The following NETO1 variants were observed in gnomAD, a reference collection of about 807,000 sequenced individuals.
The protein encoded by NETO1 is neuropilin and tolloid like 1.
A neutral mutation model predicts 61.3 loss-of-function variants in NETO1; 26 were observed. The observed-to-expected ratio is 0.42, with a 90% CI of 0.31 to 0.59. NETO1 has a LOEUF of 0.59. NETO1 is among the 20% of genes least tolerant of loss of function. The pLI is 0.12. For missense variants in NETO1, 531 were observed against 662.8 expected (o/e 0.80, Z 2.18); for synonymous variants, 225 against 225.8 (o/e 1.00, Z 0.03).
chr18:72,821,234 TAAAAAAAAAA>T (rs10672110), intron 4 of NETO1, among the ~76,000 whole-genome samples: 1 of 80,220 alleles, frequency 1.2e-5, no homozygotes, highest in Admixed American at 1.5e-4. Flanking sequence ...TCATATTAAC[TAAAAAAAAAA>T]AAAAAAAAAA....
At chr18:72,832,247 C>A (rs2073605649) in intron 4 of NETO1, among the ~76,000 whole-genome samples, 1 of 152,106 alleles carries the variant, frequency 6.6e-6, no homozygotes, top group South Asian at 2.1e-4. Flanking sequence ...ATAAAAATCA[C>A]CCTAAAATTT....
chr18:72,791,852 G>C (rs2072129541), intron 6 of NETO1, among the ~76,000 whole-genome samples: 1 of 152,124 alleles, frequency 6.6e-6, no homozygotes, highest in African/African-American at 2.4e-5. Context: ...CTGCAACCTA[G>C]CTCTCTTGTA....
intron 4 of NETO1, among the ~76,000 whole-genome samples, chr18:72,809,641 T>C (rs895863582): frequency 1.3e-5 from 2 of 152,272 alleles, no homozygotes; most frequent in Non-Finnish European, 2.9e-5. Context: ...ATATCTCAAA[T>C]ATGATTACTG....
At chr18:72,822,665 C>G (rs2073238490) in intron 4 of NETO1, among the ~76,000 whole-genome samples, 1 of 152,282 alleles carries the variant, frequency 6.6e-6, no homozygotes, top group East Asian at 1.9e-4. Flanking sequence ...AATTGTAAAA[C>G]ATACATCAAT....
At chr18:72,845,795 AC>A (rs1400963520) in intron 4 of NETO1, among the ~76,000 whole-genome samples, 1 of 152,250 alleles carries the variant, frequency 6.6e-6, no homozygotes. Context: ...GATATTGCAA[AC>A]AACAGAGCAA....
intron 4 of NETO1, among the ~76,000 whole-genome samples, chr18:72,817,629 T>G (rs944339948): frequency 1.3e-5 from 2 of 152,238 alleles, no homozygotes; most frequent in Admixed American, 6.5e-5. Context: ...GCACCAAGTA[T>G]TAATACCGAA....
At chr18:72,837,122 A>G (rs1461551262) in intron 4 of NETO1, among the ~76,000 whole-genome samples, 1 of 152,218 alleles carries the variant, frequency 6.6e-6, no homozygotes, top group Non-Finnish European at 1.5e-5. Context: ...GAATAATAAT[A>G]TTCTATTGTT....
intron 4 of NETO1, among the ~76,000 whole-genome samples, chr18:72,853,097 A>G (rs2074304154): frequency 6.6e-6 from 1 of 152,100 alleles, no homozygotes; most frequent in Non-Finnish European, 1.5e-5. Context: ...AGCCTCCCAA[A>G]GTGCTGGGAT....
At chr18:72,767,574 A>C (rs1262275881) in intron 7 of NETO1, among the ~76,000 whole-genome samples, 1 of 152,218 alleles carries the variant, frequency 6.6e-6, no homozygotes, top group Non-Finnish European at 1.5e-5. Flanking sequence ...TCATCAAACT[A>C]CATGTCTGTA....
intron 4 of NETO1, among the ~76,000 whole-genome samples, chr18:72,819,081 CTA>C (rs2073111986): frequency 6.6e-6 from 1 of 152,200 alleles, no homozygotes; most frequent in Middle Eastern, 3.4e-3. Context: ...ATGAGTGAAT[CTA>C]AGTCCATGTC....
intron 4 of NETO1, among the ~76,000 whole-genome samples, chr18:72,814,326 T>C (rs1289139972): frequency 6.6e-6 from 1 of 152,050 alleles, no homozygotes; most frequent in Non-Finnish European, 1.5e-5. Flanking sequence ...TGACAGCAGA[T>C]TTTGAGAAGA....
At chr18:72,802,483 G>A (rs984684118) in intron 4 of NETO1, among the ~76,000 whole-genome samples, 5 of 152,216 alleles carry the variant, frequency 3.3e-5, no homozygotes, top group Non-Finnish European at 7.3e-5. Flanking sequence ...AAAAATGAAC[G>A]GATGTACAAA....
chr18:72,749,225 A>T (rs1315326675), intron 9 of NETO1, 137 bp from the exon 10 acceptor site: 9 of 591,284 alleles, frequency 1.5e-5, no homozygotes, highest in South Asian at 9.0e-5. Flanking sequence ...AAACATATCA[A>T]ATCAACTGAA....
At chr18:72,779,875 C>G (rs984218205) in intron 7 of NETO1, among the ~76,000 whole-genome samples, 1 of 152,154 alleles carries the variant, frequency 6.6e-6, no homozygotes, top group African/African-American at 2.4e-5. Flanking sequence ...AGTCCGAGAT[C>G]AAGGTGCTGG....
intron 7 of NETO1, among the ~76,000 whole-genome samples, chr18:72,768,791 A>G (rs946868233): frequency 1.3e-5 from 2 of 152,190 alleles, no homozygotes; most frequent in Non-Finnish European, 2.9e-5. Context: ...TGTACTCTAC[A>G]CTGGAGCCTC....
intron 3 of NETO1, among the ~76,000 whole-genome samples, 154 bp from the exon 4 acceptor site, chr18:72,859,228 C>T (rs945756674): frequency 1.3e-5 from 2 of 152,044 alleles, no homozygotes; most frequent in African/African-American, 4.8e-5. Flanking sequence ...TACTATTCTA[C>T]GGGACACAAT....
chr18:72,866,656 AT>A, intron 1 of NETO1: 1 of 943,226 alleles, frequency 1.1e-6, no homozygotes, highest in Non-Finnish European at 1.3e-6. Context: ...TCCACCACAC[AT>A]TTTCTTATAC....
At chr18:72,809,651 G>A (rs1443077798) in intron 4 of NETO1, among the ~76,000 whole-genome samples, 1 of 152,166 alleles carries the variant, frequency 6.6e-6, no homozygotes, top group East Asian at 1.9e-4. Context: ...TATGATTACT[G>A]CTCTATAAAA....
intron 4 of NETO1, among the ~76,000 whole-genome samples, chr18:72,828,108 T>A (rs1428570718): frequency 1.3e-5 from 2 of 152,006 alleles, no homozygotes; most frequent in African/African-American, 4.8e-5. Context: ...AGCTCAGGAG[T>A]TCGAGACCAG....
Sources: allele counts gnomAD v4.1 joint callset (sites outside exome capture counted in the v4.1 genomes callset), GRCh38; gene constraint gnomAD v4.1.1; transcripts MANE v1.5; gene names NCBI Gene and HGNC (gene_info 2026-07-23, HGNC 2026-07-21).